KDM6B: variants seen among roughly 807,000 people sequenced by gnomAD.
The protein encoded by KDM6B is lysine-specific demethylase 6B.
Under a neutral mutation model 150.4 loss-of-function variants are expected in KDM6B, and 22 were observed. That is an observed-to-expected ratio of 0.15 (90% CI 0.10 to 0.21). The LOEUF (loss-of-function observed/expected upper bound fraction) is 0.21. KDM6B is among the 10% of genes least tolerant of loss of function. The pLI is 1.00. For synonymous variants in KDM6B, 1,148 were observed against 921.1 expected (o/e 1.25, Z -4.46); for missense variants, 1,984 against 2,234.3 (o/e 0.89, Z 2.26).
chr17:7,850,562 G>A (rs2078671412), intron 14 of KDM6B, among the ~76,000 whole-genome samples: 1 of 152,176 alleles, frequency 6.6e-6, no homozygotes, highest in Admixed American at 6.5e-5. Context: ...CTTTATACCT[G>A]TATGTTCTCC....
chr17:7,834,877 A>C (rs1403534176), intron 1 of KDM6B, among the ~76,000 whole-genome samples: 4 of 140,114 alleles, frequency 2.9e-5, no homozygotes, highest in African/African-American at 8.1e-5. Flanking sequence ...TCTTCCCACC[A>C]CCCCCCTGCG....
At chr17:7,836,015 C>G (rs1260353897) in intron 1 of KDM6B, among the ~76,000 whole-genome samples, 1 of 152,228 alleles carries the variant, frequency 6.6e-6, no homozygotes, top group Admixed American at 6.5e-5. Flanking sequence ...GCTGTGGTTT[C>G]CGGCCCCATC....
Position 7,849,456 on chromosome 17 carries a change from T to G in KDM6B, c.3168T>G (p.Pro1056=). The G allele has an allele frequency of 6.2e-7, 1 of 1,612,606 alleles. No individual in the cohort carries two copies. ...CAGCTCCAGCCCCTCCATCAGCTCC[T>G]GCACCTTCTGCCCAGCCCACACCCC... ...PPTAPAPPSA[P]APSAQPTPPS... is the part of the protein sequence containing the mutation. The change falls in exon 12 of 24, where the codon CCT becomes CCG. Residue 1056 remains proline, a synonymous_variant. Transcript: ENST00000448097.
In KDM6B at chr17:7,846,757, GC is replaced by G. The variant is rs1567790527; in HGVS notation, c.711+19del. On this transcript the variant is annotated intron_variant, in intron 9 of 23. Coordinates refer to ENST00000448097, the MANE Select transcript of KDM6B (RefSeq NM_001348716.2). ...TCTGAACAGGTGTGGGTATAGGGGGGCCAGCAGGCAGTAAGTAGGCAGGACT... is the reference window on the plus strand; with the variant it reads ...TCTGAACAGGTGTGGGTATAGGGGGGCAGCAGGCAGTAAGTAGGCAGGACT... The G allele has an allele frequency of 6.2e-7, 1 of 1,613,934 alleles. No individual in the cohort carries two copies. Among genetic ancestry groups the G allele is most frequent in the Admixed American group, 1.7e-5 (1 of 60,004 alleles).
At chr17:7,839,714 C>G (rs192774647) in intron 1 of KDM6B, among the ~76,000 whole-genome samples, 192 bp from the exon 2 acceptor site, 1 of 152,102 alleles carries the variant, frequency 6.6e-6, no homozygotes, top group Non-Finnish European at 1.5e-5. Flanking sequence ...ACCAACTGAT[C>G]GAGCCTGCTT....
intron 6 of KDM6B, 35 bp downstream of exon 6, chr17:7,846,005 G>A (rs1415991846): frequency 6.2e-7 from 1 of 1,607,018 alleles, no homozygotes. Flanking sequence ...GGAGTGGGAG[G>A]TAAGGCTGGG....
chr17:7,841,924 G>A (rs1168407822), intron 2 of KDM6B, among the ~76,000 whole-genome samples: 1 of 152,206 alleles, frequency 6.6e-6, no homozygotes, highest in African/African-American at 2.4e-5. Context: ...AGAAGCGAGC[G>A]TGTAACCCCT....
chr17:7,845,308 C>T lies in KDM6B; in HGVS notation c.-148-6C>T. ...AGCTCGTCTCACTCCTTTTCCTTCTCTCTAGAATTGGCTGTGAAAGGACTG... is the reference window on the plus strand; with the variant it reads ...AGCTCGTCTCACTCCTTTTCCTTCTTTCTAGAATTGGCTGTGAAAGGACTG... On this transcript the variant is annotated splice_region_variant and splice_polypyrimidine_tract_variant and intron_variant, in intron 3 of 23. Coordinates refer to ENST00000448097, the MANE Select transcript of KDM6B (RefSeq NM_001348716.2). The T allele has an allele frequency of 1.1e-5, 7 of 612,794 alleles. No homozygotes were observed. The highest frequency in any genetic ancestry group is 2.6e-5 in the Admixed American group (1 of 38,008). 38.0% of individuals were successfully genotyped at this position (612,794 alleles called of 1,614,324 possible). A position where few individuals can be genotyped will look rare whatever the true frequency, so the allele number is the denominator to read the frequency against.
Position 7,852,295 on chromosome 17 carries a change from G to A in KDM6B, c.4427G>A (p.Gly1476Asp), listed in dbSNP as rs776297919. ...ACTGTGCACTGGGTGCAGGCCACCG[G>A]CTGGTGCAACAACATTGCCTGGAAC... ...AGTVHWVQAT[G>D]WCNNIAWNVG... Residue 1476 changes from glycine to aspartate, a missense_variant, in exon 20 of 24, where the codon GGC (glycine) becomes GAC (aspartate). This residue lies in a region of KDM6B where 41 missense variants were observed against 158.8 expected (regional missense o/e 0.26). Transcript: ENST00000448097. The A allele has an allele frequency of 6.2e-7, 1 of 1,613,688 alleles. No individual in the cohort carries two copies. Among genetic ancestry groups the A allele is most frequent in the Non-Finnish European group, 8.5e-7 (1 of 1,180,014 alleles).
Position 7,849,631 on chromosome 17 carries a change from A to G in KDM6B, c.3343A>G (p.Lys1115Glu), listed in dbSNP as rs1411335388. ...IRLIKVESGD[K>E]ETFIASEVEE... ...GCTCATCAAGGTAGAGAGTGGTGAC[A>G]AGGAGACCTTTATCGCCTCTGAGGT... The change falls in exon 12 of 24, where the codon AAG becomes GAG. Residue 1115 changes from lysine to glutamate, a missense_variant. This residue lies in a region of KDM6B where 1,379 missense variants were observed against 1,275.6 expected (regional missense o/e 1.08). Transcript: ENST00000448097. 1.2e-6 allele frequency: 2 copies of G among 1,611,588 alleles called. No homozygotes were observed. The highest frequency in any genetic ancestry group is 1.7e-6 in the Non-Finnish European group (2 of 1,179,988).
At position 7,851,669 on chromosome 17, in the gene KDM6B, G is replaced by A. The variant is rs1338213967; in HGVS notation, c.4038G>A (p.Glu1346=). The A allele has an allele frequency of 1.9e-6, 3 of 1,583,256 alleles. No individual in the cohort carries two copies. Among genetic ancestry groups the A allele is most frequent in the Admixed American group, 1.8e-5 (1 of 54,866 alleles). ...DAKRWKPQLQ[E]LLKLPAFMRV... is the part of the protein sequence containing the mutation. ...GCAGGTGGAAGCCCCAGCTGCAGGAGCTGCTGAAGCTGCCCGCCTTCATGC... is the reference window on the plus strand; with the variant it reads ...GCAGGTGGAAGCCCCAGCTGCAGGAACTGCTGAAGCTGCCCGCCTTCATGC... The change falls in exon 18 of 24, where the codon GAG becomes GAA. Residue 1346 remains glutamate, a synonymous_variant. Transcript: ENST00000448097.
chr17:7,843,945 G>A lies in KDM6B; in HGVS notation c.-268-956G>A, dbSNP rs1406197601. On this transcript the variant is annotated intron_variant, in intron 2 of 23. Coordinates refer to ENST00000448097, the MANE Select transcript of KDM6B (RefSeq NM_001348716.2). This position sits in a 1 kb window ranked among gnomAD's most constrained non-coding sequence, Gnocchi z 4.5. ...GCACCAAAGCGAAAGGGTGGGGGGG[G>A]CGTGAAGGAGGAAGTGAAACGAGTT... Among the ~76,000 whole-genome samples, 1 of 152,098 alleles carries A rather than the reference G, an allele frequency of 6.6e-6. No homozygotes were observed. The highest frequency in any genetic ancestry group is 2.4e-5 in the African/African-American group (1 of 41,422).
intron 1 of KDM6B, among the ~76,000 whole-genome samples, chr17:7,839,669 T>C (rs2078385664): frequency 6.6e-6 from 1 of 152,134 alleles, no homozygotes; most frequent in Non-Finnish European, 1.5e-5. Flanking sequence ...TGGGGTCTAC[T>C]GTAGACTTAC....
Position 7,849,501 on chromosome 17 carries a change from AAAG to A in KDM6B, c.3217_3219del (p.Lys1073del), listed in dbSNP as rs1388384932. On this transcript the variant is annotated inframe_deletion, in exon 12 of 24. Coordinates refer to ENST00000448097, the MANE Select transcript of KDM6B (RefSeq NM_001348716.2). Reference sequence around the variant, plus strand: ...CACCCCCGTCAGCCTCTGTCCCTGGAAAGAAGGCTCGGGAGGAAGCCCCAGGGC... The same window carrying A: ...CACCCCCGTCAGCCTCTGTCCCTGGAAAGGCTCGGGAGGAAGCCCCAGGGC... 1 of 1,612,818 alleles carries A rather than the reference AAAG, an allele frequency of 6.2e-7. No homozygotes were observed. The highest frequency in any genetic ancestry group is 1.1e-5 in the South Asian group (1 of 91,072).
At position 7,835,549 on chromosome 17, in the gene KDM6B, C is replaced by G. The variant is rs908886725; in HGVS notation, c.-388+1199C>G. Among the ~76,000 whole-genome samples, 4 of 152,120 alleles carry G rather than the reference C, an allele frequency of 2.6e-5. No individual in the cohort carries two copies. In the South Asian group the frequency reaches 8.3e-4, roughly 32 times the overall value. On this transcript the variant is annotated intron_variant, in intron 1 of 23. Coordinates refer to ENST00000448097, the MANE Select transcript of KDM6B (RefSeq NM_001348716.2). ...TCCTGTTGCCAGAGTAACTGGAGGG[C>G]GAGACTTGGGAGCCGGATTCCCGAA...
Position 7,851,811 on chromosome 17 carries a change from T to C in KDM6B, c.4165+15T>C. On this transcript the variant is annotated intron_variant, in intron 18 of 23. Transcript: ENST00000448097. ...CCGAACGCCAGGTGCGCTCCACGCC[T>C]GTGCGCGCTGATGCTGGAAGCGCGA... 6.4e-7 allele frequency: 1 copy of C among 1,556,348 alleles called. No homozygotes were observed. The highest frequency in any genetic ancestry group is 8.7e-7 in the Non-Finnish European group (1 of 1,150,236).
chr17:7,837,837 G>A (rs2078354484), intron 1 of KDM6B, among the ~76,000 whole-genome samples: 1 of 152,078 alleles, frequency 6.6e-6, no homozygotes, highest in South Asian at 2.1e-4. Flanking sequence ...TTATTGCTGT[G>A]GGTCTGCTCC....
Position 7,849,809 on chromosome 17 carries a change from G to A in KDM6B, c.3441-12G>A. 1 of 1,612,880 alleles carries A rather than the reference G, an allele frequency of 6.2e-7. No homozygotes were observed. The highest frequency in any genetic ancestry group is 1.7e-5 in the Admixed American group (1 of 60,016). On this transcript the variant is annotated splice_polypyrimidine_tract_variant and intron_variant, in intron 12 of 23. Transcript: ENST00000448097. ...CTGATGTTTCTGTCTTCATTCCACT[G>A]TCCTCCCGCAGGAATGCCAAGGTGA...
intron 18 of KDM6B, 23 bp downstream of exon 18, chr17:7,851,819 C>G (rs1203638194): frequency 3.2e-6 from 5 of 1,557,522 alleles, no homozygotes; most frequent in Non-Finnish European, 3.5e-6. Context: ...CCTGTGCGCG[C>G]TGATGCTGGA....
Sources: gnomAD v4.1 joint callset for allele counts (sites outside exome capture counted in the v4.1 genomes callset) on GRCh38, gnomAD v4.1.1 for gene constraint, gnomAD v4.1.1 regional missense constraint, Gnocchi (gnomAD v3.1) non-coding constraint, MANE v1.5 for transcripts, NCBI Gene and HGNC (gene_info 2026-07-23, HGNC 2026-07-21) for gene names.